The following NDE1 variants were observed in gnomAD, a reference collection of about 807,000 sequenced individuals.
NDE1 encodes nuclear distribution protein nudE homolog 1.
Under a neutral mutation model 43.4 loss-of-function variants are expected in NDE1, and 28 were observed. The observed-to-expected ratio is 0.65, with a 90% confidence interval of 0.48 to 0.89. NDE1 has a LOEUF of 0.89. NDE1 is among the 40% of genes least tolerant of loss of function. The pLI is 0.00. For missense variants in NDE1, 441 were observed against 434.1 expected, an observed-to-expected ratio of 1.02 and a Z score of -0.14; for synonymous variants, 184 against 172.0, an observed-to-expected ratio of 1.07 and a Z score of -0.55.
chr16:15,643,767 G>A (rs1462152720), exon 1 of NDE1: 2 of 210,446 alleles, frequency 9.5e-6, no homozygotes, highest in Non-Finnish European at 1.9e-5. Flanking sequence ...CAAAAATACA[G>A]TGTGTGCAAA....
In NDE1 at chr16:15,725,264, G is replaced by T. The variant is rs1158569428; in HGVS notation, c.*1013G>T. 4 of 590,696 alleles carry T rather than the reference G, an allele frequency of 6.8e-6. No individual in the cohort carries two copies. The East Asian group carries it at 1.1e-4, about 17-fold the overall frequency. The allele number at this position is 590,696 out of a possible 1,614,324, so 36.6% of individuals were successfully genotyped here. ...CTAAGAACTTATTTGAGCCCCAATG[G>T]TATTGACTGGGACCTGATCCCACTA... On this transcript the variant is annotated 3_prime_UTR_variant, in exon 9 of 9. Coordinates refer to ENST00000396354, the MANE Select transcript of NDE1 (RefSeq NM_017668.3).
intron 2 of NDE1, among the ~76,000 whole-genome samples, chr16:15,666,981 A>G (rs887270376): frequency 6.6e-6 from 1 of 152,058 alleles, no homozygotes; most frequent in Non-Finnish European, 1.5e-5. Context: ...TACAATGGCT[A>G]ACGCCTGTAA....
At chr16:15,702,183 T>C (rs528663852) in intron 8 of NDE1, 1 of 152,350 alleles carries the variant, frequency 6.6e-6, no homozygotes, top group South Asian at 2.1e-4. Flanking sequence ...GAGTTGGTGG[T>C]ATACGGCATC....
At chr16:15,719,185 G>A (rs1321963861) in intron 8 of NDE1, 6 of 1,598,948 alleles carry the variant, frequency 3.8e-6, no homozygotes, top group Non-Finnish European at 5.1e-6. Flanking sequence ...CCCATCCTCT[G>A]CTTCAGAGCC....
chr16:15,651,219 T>C (rs760323852), intron 1 of NDE1, among the ~76,000 whole-genome samples: 2 of 152,196 alleles, frequency 1.3e-5, no homozygotes, highest in Non-Finnish European at 2.9e-5. Flanking sequence ...ACTTTGAGCC[T>C]CAGGCCCCTT....
At chr16:15,690,743 T>C (rs1011611679) in intron 5 of NDE1, among the ~76,000 whole-genome samples, 1 of 152,122 alleles carries the variant, frequency 6.6e-6, no homozygotes, top group Non-Finnish European at 1.5e-5. Flanking sequence ...AGGTCTTTTT[T>C]CTGACTGGTA....
At chr16:15,701,769 A>G (rs1161130902) in intron 8 of NDE1, 1 of 152,206 alleles carries the variant, frequency 6.6e-6, no homozygotes, top group Non-Finnish European at 1.5e-5. Flanking sequence ...TTTCAGGTTG[A>G]AAACAGAACT....
At chr16:15,660,718 C>T (rs1174674103) in intron 1 of NDE1, among the ~76,000 whole-genome samples, 1 of 152,176 alleles carries the variant, frequency 6.6e-6, no homozygotes, top group African/African-American at 2.4e-5. Context: ...CCGACTTTCG[C>T]TCAGCCTTGT....
intron 8 of NDE1, chr16:15,714,856 G>A: frequency 6.2e-7 from 1 of 1,608,200 alleles, no homozygotes; most frequent in Non-Finnish European, 8.5e-7. Context: ...CGAGCCCCCA[G>A]TGCTTTTCTC....
intron 8 of NDE1, among the ~76,000 whole-genome samples, chr16:15,708,025 G>A (rs1490357526): frequency 1.3e-5 from 2 of 151,348 alleles, no homozygotes; most frequent in East Asian, 3.9e-4. Flanking sequence ...TTCTTGGGAA[G>A]GGCCCTGTGT....
chr16:15,717,909 C>T, intron 8 of NDE1: 1 of 317,114 alleles, frequency 3.2e-6, no homozygotes, highest in Non-Finnish European at 6.1e-6. Flanking sequence ...CACCCTACAC[C>T]ACAAGGGGCT....
At chr16:15,718,578 A>G (rs1211219060) in intron 8 of NDE1, 1 of 1,281,344 alleles carries the variant, frequency 7.8e-7, no homozygotes, top group Non-Finnish European at 1.1e-6. Flanking sequence ...TAGAAGACTC[A>G]TCTGTAGTTA....
chr16:15,659,246 G>A (rs1404692453), intron 1 of NDE1, among the ~76,000 whole-genome samples: 3 of 152,020 alleles, frequency 2.0e-5, no homozygotes, highest in Non-Finnish European at 4.4e-5. Context: ...CCAGAAGTTA[G>A]TGGTGGTGTC....
intron 8 of NDE1, among the ~76,000 whole-genome samples, chr16:15,705,684 T>G (rs1435863656): frequency 2.6e-5 from 4 of 152,022 alleles, no homozygotes; most frequent in Non-Finnish European, 5.9e-5. Context: ...AATTCTTTAG[T>G]CAAAAGGAAC....
At chr16:15,711,884 G>A (rs2039819543) in intron 8 of NDE1, among the ~76,000 whole-genome samples, 1 of 152,086 alleles carries the variant, frequency 6.6e-6, no homozygotes, top group African/African-American at 2.4e-5. Context: ...GTAGAGACGG[G>A]GTTTCACCAT....
chr16:15,671,832 A>G (rs1450309968), intron 3 of NDE1, among the ~76,000 whole-genome samples: 1 of 152,010 alleles, frequency 6.6e-6, no homozygotes, highest in African/African-American at 2.4e-5. Flanking sequence ...CTGAGATTAC[A>G]GGCACCTGCC....
chr16:15,678,093 C>CG (rs1167870354), intron 4 of NDE1, 144 bp downstream of exon 4: 3 of 1,064,786 alleles, frequency 2.8e-6, no homozygotes, highest in East Asian at 2.5e-5. Flanking sequence ...TTTTAGTGCC[C>CG]GGGGGGAAAT....
At chr16:15,717,368 C>A in intron 8 of NDE1, 1 of 1,602,550 alleles carries the variant, frequency 6.2e-7, no homozygotes, top group Non-Finnish European at 8.5e-7. Flanking sequence ...AGAGTGAAGG[C>A]CATGAGGCGG....
chr16:15,694,367 A>C, intron 7 of NDE1, 111 bp downstream of exon 7: 1 of 1,542,274 alleles, frequency 6.5e-7, no homozygotes, highest in Non-Finnish European at 8.7e-7. Flanking sequence ...TTTTTTAGAG[A>C]CAGGGTCTTG....
Sources: allele counts gnomAD v4.1 joint callset (sites outside exome capture counted in the v4.1 genomes callset), GRCh38; gene constraint gnomAD v4.1.1; transcripts MANE v1.5; gene names NCBI Gene and HGNC (gene_info 2026-07-23, HGNC 2026-07-21).